The following ARHGAP42 variants were observed in gnomAD, a reference collection of about 807,000 sequenced individuals.
The protein encoded by ARHGAP42 is Rho GTPase activating protein 42, also known as rho GTPase-activating protein 42.
ARHGAP42 carries 63 observed loss-of-function variants against 125.0 expected under a neutral mutation model. The ratio of observed to expected loss-of-function variants is 0.50; its 90% CI spans 0.41 to 0.62. ARHGAP42 has a LOEUF of 0.62. ARHGAP42 is among the 20% of genes least tolerant of loss of function. The pLI is 0.00. For missense variants in ARHGAP42, 766 were observed against 1,024.2 expected (o/e 0.75, Z 3.44); for synonymous variants, 339 against 351.0 (o/e 0.97, Z 0.38).
chr11:100,720,189 G>T (rs1291937697), intron 1 of ARHGAP42, among the ~76,000 whole-genome samples: 1 of 152,172 alleles, frequency 6.6e-6, no homozygotes, highest in African/African-American at 2.4e-5. Context: ...TATGTGAGAT[G>T]GGAAAATCCA....
chr11:100,964,754 G>T (rs938492552), intron 16 of ARHGAP42, among the ~76,000 whole-genome samples: 1 of 152,096 alleles, frequency 6.6e-6, no homozygotes, highest in African/African-American at 2.4e-5. Context: ...TACATTTACC[G>T]TTGTCATTAT....
chr11:100,921,132 A>G (rs1416236762), intron 5 of ARHGAP42, among the ~76,000 whole-genome samples: 2 of 146,644 alleles, frequency 1.4e-5, no homozygotes, highest in African/African-American at 5.0e-5. Flanking sequence ...ATTTTGTCCC[A>G]TAATTTTGAA....
At chr11:100,772,486 A>G (rs1863006838) in intron 2 of ARHGAP42, among the ~76,000 whole-genome samples, 1 of 152,096 alleles carries the variant, frequency 6.6e-6, no homozygotes. Context: ...TTTGGCCCTC[A>G]GTTTTGTGAT....
At position 100,961,665 on chromosome 11, in the gene ARHGAP42, C is replaced by T; in HGVS notation, c.1301-19C>T. On this transcript the variant is annotated intron_variant, in intron 14 of 23. Coordinates refer to ENST00000298815, the MANE Select transcript of ARHGAP42 (RefSeq NM_152432.4). The stretch of plus-strand genomic sequence containing the variant: ...ATTTTGAACTGCACAATTTAAACAC[C>T]TTGTTTTATTCTTTCCAGCTCCTAA... 1 of 1,546,730 alleles carries T rather than the reference C, an allele frequency of 6.5e-7. No individual in the cohort carries two copies. The highest frequency in any genetic ancestry group is 1.2e-5 in the South Asian group (1 of 83,658).
chr11:100,958,520 T>TAC (rs5794085), intron 12 of ARHGAP42, among the ~76,000 whole-genome samples: 11,707 of 151,434 alleles, frequency 0.077, 686 homozygotes, highest in East Asian at 0.33. Flanking sequence ...ACTAAACACA[T>TAC]ACACACACAC....
At chr11:100,834,762 A>G (rs1039793992) in intron 3 of ARHGAP42, among the ~76,000 whole-genome samples, 2 of 151,214 alleles carry the variant, frequency 1.3e-5, no homozygotes, top group African/African-American at 4.9e-5. Context: ...GAACAGAGGG[A>G]TGGAGGAGGA....
intron 1 of ARHGAP42, among the ~76,000 whole-genome samples, chr11:100,742,757 A>C (rs1281080833): frequency 6.6e-6 from 1 of 152,176 alleles, no homozygotes; most frequent in Admixed American, 6.5e-5. Context: ...GTCCAGTGTT[A>C]GGTGCATATA....
At chr11:100,860,049 A>G (rs1302356013) in intron 4 of ARHGAP42, 1 of 152,626 alleles carries the variant, frequency 6.6e-6, no homozygotes, top group African/African-American at 2.4e-5. Context: ...GTTTGTCACA[A>G]ACCCTTTTTG....
chr11:100,835,560 G>A lies in ARHGAP42; in HGVS notation c.313-23994G>A, dbSNP rs143532718. Among the ~76,000 whole-genome samples the A allele has an allele frequency of 6.1e-3, 934 of 152,226 alleles. 9 individuals carry two copies. The highest frequency in any genetic ancestry group is 0.021 in the African/African-American group (886 of 41,550). On this transcript the variant is annotated intron_variant, in intron 3 of 23. Coordinates refer to ENST00000298815, the MANE Select transcript of ARHGAP42 (RefSeq NM_152432.4). ...TTGAACTGATTAACTTAGATTCTCA[G>A]ACACACCAAAGGTGTTTGTTGGGAA...
intron 5 of ARHGAP42, among the ~76,000 whole-genome samples, chr11:100,916,911 A>G (rs1867080697): frequency 6.6e-6 from 1 of 152,180 alleles, no homozygotes; most frequent in Non-Finnish European, 1.5e-5. Context: ...TTTTATTTGG[A>G]GAATTATTTA....
chr11:100,987,497 T>G lies in ARHGAP42; in HGVS notation c.2457-16T>G. 6.4e-7 allele frequency: 1 copy of G among 1,550,500 alleles called. No homozygotes were observed. Among genetic ancestry groups the G allele is most frequent in the African/African-American group, 1.4e-5 (1 of 73,128 alleles). On this transcript the variant is annotated splice_polypyrimidine_tract_variant and intron_variant, in intron 22 of 23. Coordinates refer to ENST00000298815, the MANE Select transcript of ARHGAP42 (RefSeq NM_152432.4). The stretch of plus-strand genomic sequence containing the variant: ...GTTGAGTGTTGAGGTTTTGACAAGT[T>G]GTCTTGCTCTTTCAGCCAAGCCAAA...
intron 3 of ARHGAP42, among the ~76,000 whole-genome samples, chr11:100,804,537 T>A (rs113067635): frequency 4.2e-4 from 64 of 151,578 alleles, no homozygotes; most frequent in African/African-American, 1.5e-3. Flanking sequence ...GTATATTTTT[T>A]AATTTTTAAA....
At chr11:100,756,186 G>A (rs765944856) in intron 1 of ARHGAP42, among the ~76,000 whole-genome samples, 99 of 125,428 alleles carry the variant, frequency 7.9e-4, no homozygotes, top group Non-Finnish European at 1.1e-3. Context: ...AGGAGCTCGA[G>A]ACTAGCCTGG....
intron 4 of ARHGAP42, among the ~76,000 whole-genome samples, chr11:100,869,549 C>G (rs1321221374): frequency 6.6e-6 from 1 of 152,076 alleles, no homozygotes; most frequent in African/African-American, 2.4e-5. Context: ...GTAGTTATCT[C>G]TGCATTCCAT....
At chr11:100,728,144 G>A (rs956076108) in intron 1 of ARHGAP42, among the ~76,000 whole-genome samples, 6 of 152,154 alleles carry the variant, frequency 3.9e-5, no homozygotes, top group Admixed American at 3.9e-4. Context: ...ATTCAGCTTG[G>A]TTGGTGAATT....
At chr11:100,759,568 A>G (rs1862656306) in intron 1 of ARHGAP42, among the ~76,000 whole-genome samples, 1 of 152,182 alleles carries the variant, frequency 6.6e-6, no homozygotes, top group Non-Finnish European at 1.5e-5. Context: ...ACAAAGAAGT[A>G]TAATAATAAA....
chr11:100,947,120 T>C (rs1868043089), intron 10 of ARHGAP42, among the ~76,000 whole-genome samples: 1 of 152,008 alleles, frequency 6.6e-6, no homozygotes, highest in Admixed American at 6.6e-5. Context: ...AAGTCTTCAA[T>C]GGGTGTGGAA....
At chr11:100,859,736 C>T (rs1865400686) in intron 4 of ARHGAP42, 111 bp downstream of exon 4, 1 of 859,288 alleles carries the variant, frequency 1.2e-6, no homozygotes, top group Non-Finnish European at 1.7e-6. Flanking sequence ...AGATTTTGTA[C>T]ATCATTTAAA....
In ARHGAP42 at chr11:100,890,807, A is replaced by C. The variant is rs530182462; in HGVS notation, c.385-22645A>C. ...TCTCACATAGTCCTTATGGCTGAAG[A>C]ATGGGCTATTCTGTTATTATCAAGG... On this transcript the variant is annotated intron_variant, in intron 4 of 23. Transcript: ENST00000298815. 2.6e-3 allele frequency among the ~76,000 whole-genome samples: 390 copies of C among 152,326 alleles called. 1 individual carries two copies. The highest frequency in any genetic ancestry group is 3.6e-3 in the Non-Finnish European group (242 of 68,022).
Sources: gnomAD v4.1 joint callset for allele counts (sites outside exome capture counted in the v4.1 genomes callset) on GRCh38, gnomAD v4.1.1 for gene constraint, MANE v1.5 for transcripts, NCBI Gene and HGNC (gene_info 2026-07-23, HGNC 2026-07-21) for gene names.